The following CNTNAP4 variants were observed in gnomAD, a reference collection of about 807,000 sequenced individuals.
CNTNAP4 encodes contactin associated protein family member 4, also known as contactin-associated protein-like 4.
A neutral mutation model predicts 148.4 loss-of-function variants in CNTNAP4; 98 were observed. That is an observed-to-expected ratio of 0.66 (90% CI 0.56 to 0.78). The LOEUF (loss-of-function observed/expected upper bound fraction) is 0.78, where lower values mean the gene tolerates loss of function less well. Ranked by LOEUF, CNTNAP4 falls within the 30% of genes least tolerant of loss-of-function variation. The pLI, the probability that CNTNAP4 is intolerant of heterozygous loss-of-function variation, is 0.00. For missense variants in CNTNAP4, 1,935 were observed against 1,565.6 expected (o/e 1.24, Z -3.98); for synonymous variants, 730 against 565.1 (o/e 1.29, Z -4.14).
At chr16:76,546,050 A>G (rs980897779) in intron 21 of CNTNAP4, among the ~76,000 whole-genome samples, 2 of 152,158 alleles carry the variant, frequency 1.3e-5, no homozygotes, top group East Asian at 3.9e-4. Flanking sequence ...AAAAAGAAAA[A>G]CTAAAAAGTG....
At chr16:76,438,045 A>AGT (rs1568168400) in intron 4 of CNTNAP4, among the ~76,000 whole-genome samples, 1 of 152,202 alleles carries the variant, frequency 6.6e-6, no homozygotes, top group Non-Finnish European at 1.5e-5. Flanking sequence ...GAATAAGGGA[A>AGT]GTAAACTTTG....
rs546667747 is a variant in CNTNAP4 at position 76,301,161 on chromosome 16, G to A, written c.86-15252G>A. ...TAAAAAATTAACACACACAAAAAGA[G>A]CATTTTTGAATGAGACTGTTGATCT... is the stretch of plus-strand genomic sequence containing the variant. On this transcript the variant is annotated intron_variant, in intron 1 of 23. Transcript: ENST00000611870. 2.0e-4 allele frequency among the ~76,000 whole-genome samples: 30 copies of A among 152,108 alleles called. 1 individual carries two copies. The South Asian group carries it at 6.2e-3, about 32-fold the overall frequency.
chr16:76,395,718 T>A (rs2078178955), intron 3 of CNTNAP4, among the ~76,000 whole-genome samples: 1 of 148,762 alleles, frequency 6.7e-6, no homozygotes, highest in Non-Finnish European at 1.5e-5. Context: ...CTGTGTCCCC[T>A]GAAAAGATCT....
chr16:76,503,677 C>G (rs1180086215), intron 15 of CNTNAP4, among the ~76,000 whole-genome samples: 1 of 151,872 alleles, frequency 6.6e-6, no homozygotes, highest in African/African-American at 2.4e-5. Flanking sequence ...ATCCCTCCCC[C>G]TTCCCCCCAC....
At chr16:76,422,322 A>G (rs1276678934) in intron 3 of CNTNAP4, among the ~76,000 whole-genome samples, 2 of 151,080 alleles carry the variant, frequency 1.3e-5, no homozygotes, top group Non-Finnish European at 3.0e-5. Flanking sequence ...GGAGGTTACT[A>G]TTTATATGCA....
intron 3 of CNTNAP4, among the ~76,000 whole-genome samples, chr16:76,426,285 G>A (rs1338962422): frequency 6.6e-6 from 1 of 152,156 alleles, no homozygotes; most frequent in Non-Finnish European, 1.5e-5. Flanking sequence ...ACAGGCAGAT[G>A]ATCAGATACC....
intron 1 of CNTNAP4, among the ~76,000 whole-genome samples, chr16:76,314,658 T>C (rs1961509848): frequency 6.6e-6 from 1 of 152,186 alleles, no homozygotes; most frequent in Non-Finnish European, 1.5e-5. Flanking sequence ...GTAAACGTTA[T>C]CAATCGGTTC....
chr16:76,527,521 G>T (rs2083794136), intron 17 of CNTNAP4, among the ~76,000 whole-genome samples: 2 of 152,122 alleles, frequency 1.3e-5, no homozygotes, highest in Non-Finnish European at 2.9e-5. Context: ...ACTATCCTTT[G>T]TATCTGGATA....
At chr16:76,381,992 C>T (rs1054041480) in intron 3 of CNTNAP4, among the ~76,000 whole-genome samples, 2 of 126,624 alleles carry the variant, frequency 1.6e-5, no homozygotes, top group African/African-American at 6.0e-5. Flanking sequence ...ACCCAGGAGG[C>T]GGAGCTTGCA....
chr16:76,460,328 C>G (rs995866028), intron 8 of CNTNAP4, among the ~76,000 whole-genome samples: 1 of 151,452 alleles, frequency 6.6e-6, no homozygotes, highest in South Asian at 2.1e-4. Flanking sequence ...AGGCTGGTCT[C>G]GAACTCCCGA....
intron 13 of CNTNAP4, among the ~76,000 whole-genome samples, chr16:76,491,066 C>G (rs1177288720): frequency 6.6e-6 from 1 of 152,210 alleles, no homozygotes; most frequent in Non-Finnish European, 1.5e-5. Context: ...AAGTCTCTCT[C>G]TATTTATTCT....
chr16:76,402,365 T>A (rs928708148), intron 3 of CNTNAP4, among the ~76,000 whole-genome samples: 1 of 152,060 alleles, frequency 6.6e-6, no homozygotes, highest in African/African-American at 2.4e-5. Context: ...TTTGGTGTTT[T>A]TTTTTTCTGT....
At chr16:76,328,470 A>G (rs1003051509) in intron 2 of CNTNAP4, among the ~76,000 whole-genome samples, 1 of 152,232 alleles carries the variant, frequency 6.6e-6, no homozygotes, top group African/African-American at 2.4e-5. Context: ...CATGATTCAC[A>G]TGACTAAACG....
At chr16:76,370,597 G>A (rs773309709) in intron 3 of CNTNAP4, among the ~76,000 whole-genome samples, 18 of 152,186 alleles carry the variant, frequency 1.2e-4, no homozygotes, top group Non-Finnish European at 1.9e-4. Flanking sequence ...ACGTCACTCA[G>A]CCCTCTAATG....
At chr16:76,319,978 T>C (rs1962235337) in intron 2 of CNTNAP4, among the ~76,000 whole-genome samples, 1 of 152,204 alleles carries the variant, frequency 6.6e-6, no homozygotes, top group African/African-American at 2.4e-5. Context: ...TTAGTGCCAC[T>C]GGAATAAATA....
rs553623830 is a variant in CNTNAP4 at position 76,558,958 on chromosome 16, A to G, written c.*275A>G. On this transcript the variant is annotated 3_prime_UTR_variant, in exon 24 of 24. Transcript: ENST00000611870. Reference sequence around the variant, plus strand: ...CAAGTTTAACCTGCTTAATGGCTACAGTTTTTACATGTGAAAACTGTAGCC... The same window carrying G: ...CAAGTTTAACCTGCTTAATGGCTACGGTTTTTACATGTGAAAACTGTAGCC... 175 of 235,516 alleles carry G rather than the reference A, an allele frequency of 7.4e-4. No homozygotes were observed. Among genetic ancestry groups the G allele is most frequent in the African/African-American group, 3.3e-3 (148 of 44,792 alleles). 14.6% of individuals were successfully genotyped at this position (235,516 alleles called of 1,614,324 possible). A position where few individuals can be genotyped will look rare whatever the true frequency, so the allele number is the denominator to read the frequency against.
chr16:76,367,924 C>T (rs532085127), intron 3 of CNTNAP4, among the ~76,000 whole-genome samples: 2 of 152,280 alleles, frequency 1.3e-5, no homozygotes, highest in East Asian at 3.9e-4. Flanking sequence ...CACTGATTTC[C>T]AGGTTATGTC....
chr16:76,433,481 T>C (rs1011065838), intron 4 of CNTNAP4, among the ~76,000 whole-genome samples: 1 of 152,134 alleles, frequency 6.6e-6, no homozygotes, highest in African/African-American at 2.4e-5. Context: ...TTAAAAAAAT[T>C]CCAATTTTTT....
chr16:76,409,510 C>G (rs991479416), intron 3 of CNTNAP4, among the ~76,000 whole-genome samples: 3 of 151,952 alleles, frequency 2.0e-5, no homozygotes, highest in Admixed American at 6.6e-5. Context: ...TTAGGAACTT[C>G]TGGTTGCTGC....
Sources: allele counts gnomAD v4.1 joint callset (sites outside exome capture counted in the v4.1 genomes callset), GRCh38; gene constraint gnomAD v4.1.1; transcripts MANE v1.5; gene names NCBI Gene and HGNC (gene_info 2026-07-23, HGNC 2026-07-21).